The following GRM7 variants were observed in gnomAD, a reference collection of about 807,000 sequenced individuals.
GRM7 encodes metabotropic glutamate receptor 7.
In GRM7, 35 loss-of-function variants were observed where a neutral mutation model predicts 84.5. That is an observed-to-expected ratio of 0.41 (90% CI 0.32 to 0.55). The LOEUF (loss-of-function observed/expected upper bound fraction) is 0.55, where lower values mean the gene tolerates loss of function less well. Among genes scored for constraint, GRM7 ranks in the 20% least tolerant of loss-of-function variants. The probability of loss-of-function intolerance (pLI) is 0.19; values close to 1 mark genes in which losing one functional copy is unlikely to be tolerated. For synonymous variants in GRM7, 487 were observed against 455.1 expected (o/e 1.07, Z -0.89); for missense variants, 1,003 against 1,194.6 (o/e 0.84, Z 2.36).
At chr3:7,482,810 G>C (rs1335481740) in intron 7 of GRM7, among the ~76,000 whole-genome samples, 1 of 152,180 alleles carries the variant, frequency 6.6e-6, no homozygotes, top group East Asian at 1.9e-4. Context: ...AAGTGTTCTA[G>C]GGAAAGACTA....
chr3:7,168,999 T>C (rs1694897145), intron 2 of GRM7, among the ~76,000 whole-genome samples: 2 of 152,206 alleles, frequency 1.3e-5, no homozygotes, highest in South Asian at 4.1e-4. Context: ...TTTGTCTAAA[T>C]GTATGTATGC....
At chr3:7,353,150 C>G (rs768976793) in intron 4 of GRM7, among the ~76,000 whole-genome samples, 2 of 152,060 alleles carry the variant, frequency 1.3e-5, no homozygotes, top group African/African-American at 2.4e-5. Flanking sequence ...CCTCCACCAG[C>G]CTTTTTTGCT....
chr3:6,869,568 C>CATCTATCTATCTATCT (rs1434542087), intron 1 of GRM7, among the ~76,000 whole-genome samples: 26 of 62,612 alleles, frequency 4.2e-4, no homozygotes, highest in African/African-American at 1.4e-3. Flanking sequence ...GTATAATTTA[C>CATCTATCTATCTATCT]ATCTATCTAT....
At chr3:7,236,964 A>T (rs1374483898) in intron 2 of GRM7, among the ~76,000 whole-genome samples, 1 of 152,234 alleles carries the variant, frequency 6.6e-6, no homozygotes, top group Non-Finnish European at 1.5e-5. Flanking sequence ...GCCATCGTGC[A>T]TACTGATGTG....
chr3:7,719,825 C>CACACAG (rs1003335501), intron 9 of GRM7, among the ~76,000 whole-genome samples: 6 of 138,780 alleles, frequency 4.3e-5, no homozygotes, highest in Non-Finnish European at 3.1e-5. Context: ...CACACACACA[C>CACACAG]AGAAATGATA....
At chr3:6,902,606 T>C (rs534746958) in intron 1 of GRM7, among the ~76,000 whole-genome samples, 1 of 152,158 alleles carries the variant, frequency 6.6e-6, no homozygotes, top group African/African-American at 2.4e-5. Flanking sequence ...TAATTACAAA[T>C]GCTTCTAAGA....
rs368157861 is a variant in GRM7 at position 7,454,637 on chromosome 3, A to G, written c.1375+1830A>G. On this transcript the variant is annotated intron_variant, in intron 6 of 9. Coordinates refer to ENST00000357716, the MANE Select transcript of GRM7 (RefSeq NM_000844.4). ...ACAATTCTGAAGCTAATCTATGTAT[A>G]TAATGGGACTGAGAAAATAATTATA... Among the ~76,000 whole-genome samples, 135 of 152,266 alleles carry G rather than the reference A, an allele frequency of 8.9e-4. 5 individuals are homozygous for G. The South Asian group carries it at 0.025, about 29-fold the overall frequency.
intron 1 of GRM7, among the ~76,000 whole-genome samples, chr3:6,989,752 G>A (rs1002469929): frequency 3.9e-5 from 6 of 152,242 alleles, no homozygotes; most frequent in Non-Finnish European, 5.9e-5. Flanking sequence ...TTAGAGGGAC[G>A]TAGTGTCTTC....
At chr3:6,922,886 A>G (rs1697171480) in intron 1 of GRM7, among the ~76,000 whole-genome samples, 1 of 152,246 alleles carries the variant, frequency 6.6e-6, no homozygotes. Flanking sequence ...AAATGGATAA[A>G]GAATGTTGAA....
intron 2 of GRM7, among the ~76,000 whole-genome samples, chr3:7,213,005 G>A (rs1169780564): frequency 6.6e-6 from 1 of 152,138 alleles, no homozygotes; most frequent in East Asian, 1.9e-4. Context: ...AACTTGGTTC[G>A]AAATGCACAA....
At chr3:7,724,121 T>C (rs902547524) in intron 9 of GRM7, among the ~76,000 whole-genome samples, 12 of 152,148 alleles carry the variant, frequency 7.9e-5, no homozygotes, top group African/African-American at 2.2e-4. Flanking sequence ...TGTGTTGCTC[T>C]GATCAGCCAT....
intron 9 of GRM7, among the ~76,000 whole-genome samples, chr3:7,705,717 T>A (rs1011270424): frequency 1.3e-5 from 2 of 152,134 alleles, no homozygotes; most frequent in African/African-American, 4.8e-5. Context: ...TGACTAGAGA[T>A]AAGAGAGCCT....
intron 7 of GRM7, among the ~76,000 whole-genome samples, chr3:7,534,404 A>G (rs1403667194): frequency 1.3e-5 from 2 of 152,212 alleles, no homozygotes; most frequent in South Asian, 2.1e-4. Flanking sequence ...TACACATGAG[A>G]AAACTGTGGC....
chr3:7,626,556 C>T lies in GRM7; in HGVS notation c.2451+47199C>T, dbSNP rs115163668. Among the ~76,000 whole-genome samples, 1,077 of 152,250 alleles carry T rather than the reference C, an allele frequency of 7.1e-3. 16 individuals are homozygous for T. The highest frequency in any genetic ancestry group is 0.024 in the African/African-American group (983 of 41,538). On this transcript the variant is annotated intron_variant, in intron 8 of 9. Transcript: ENST00000357716. ...TCCTTCTGAGAGCTGTGAAAAAGAG[C>T]ATGTGCCATGCCTCTGCCAAGCTGC...
chr3:7,219,935 A>G (rs1575047146), intron 2 of GRM7, among the ~76,000 whole-genome samples: 2 of 152,202 alleles, frequency 1.3e-5, no homozygotes, highest in Admixed American at 6.5e-5. Flanking sequence ...AAGTATGTCA[A>G]AGGGATGCAG....
intron 4 of GRM7, among the ~76,000 whole-genome samples, chr3:7,376,213 G>A (rs532788262): frequency 6.6e-6 from 1 of 152,280 alleles, no homozygotes; most frequent in South Asian, 2.1e-4. Flanking sequence ...CTGACTGCAT[G>A]TTTCTCACCA....
intron 4 of GRM7, among the ~76,000 whole-genome samples, chr3:7,370,154 A>G (rs1431326779): frequency 6.6e-6 from 1 of 152,172 alleles, no homozygotes; most frequent in African/African-American, 2.4e-5. Context: ...GAATACTAAA[A>G]GGTTTTTTTG....
In GRM7 at chr3:6,988,790, A is replaced by G. The variant is rs148070096; in HGVS notation, c.519+126883A>G. Among the ~76,000 whole-genome samples the G allele has an allele frequency of 5.5e-4, 84 of 152,270 alleles. 1 individual carries two copies. Among genetic ancestry groups the G allele is most frequent in the African/African-American group, 1.9e-3 (77 of 41,574 alleles). On this transcript the variant is annotated intron_variant, in intron 1 of 9. Transcript: ENST00000357716. ...AATTTCCAAATCATTTTTATTTTAT[A>G]TTTTTGAATTTCAAACCATTATGAA...
At chr3:6,976,355 T>G (rs1414332966) in intron 1 of GRM7, among the ~76,000 whole-genome samples, 1 of 152,178 alleles carries the variant, frequency 6.6e-6, no homozygotes, top group East Asian at 1.9e-4. Context: ...TTAATAAGCA[T>G]AGACTTCTCA....
Sources: gnomAD v4.1 joint callset for allele counts (sites outside exome capture counted in the v4.1 genomes callset) on GRCh38, gnomAD v4.1.1 for gene constraint, MANE v1.5 for transcripts, NCBI Gene and HGNC (gene_info 2026-07-23, HGNC 2026-07-21) for gene names.